FAAH2: variants seen among roughly 807,000 people sequenced by gnomAD.
FAAH2 encodes fatty acid amide hydrolase 2, also known as fatty-acid amide hydrolase 2.
A neutral mutation model predicts 36.9 loss-of-function variants in FAAH2; 60 were observed. That is an observed-to-expected ratio of 1.63 (90% CI 1.32 to 2.02). FAAH2 has a LOEUF of 2.02. Among genes scored for constraint, FAAH2 ranks in the 30% most tolerant of loss-of-function variants. The pLI, the probability that FAAH2 is intolerant of heterozygous loss-of-function variation, is 0.00. For missense variants in FAAH2, 689 were observed against 397.5 expected, an observed-to-expected ratio of 1.73 and a Z score of -6.23; for synonymous variants, 214 against 143.8, an observed-to-expected ratio of 1.49 and a Z score of -3.49.
chrX:57,465,186 T>C (rs1188140765), intron 10 of FAAH2, among the ~76,000 whole-genome samples: 1 of 111,723 alleles, frequency 9.0e-6, no homozygotes, highest in East Asian at 2.8e-4. Flanking sequence ...GATAGATCAG[T>C]TGGCATAATT....
At chrX:57,331,919 A>G in intron 4 of FAAH2, 112 bp downstream of exon 4, 1 of 728,673 alleles carries the variant, frequency 1.4e-6, no homozygotes, top group Non-Finnish European at 2.0e-6. Context: ...GAATGGATGC[A>G]AAAACCCAGG....
the FAAH2 span, among the ~76,000 whole-genome samples, chrX:57,279,691 T>G: frequency 8.9e-6 from 1 of 111,924 alleles, no homozygotes; most frequent in Non-Finnish European, 1.9e-5. Flanking sequence ...GTTCAACATA[T>G]GCAAATCAAT....
intron 10 of FAAH2, among the ~76,000 whole-genome samples, chrX:57,484,173 C>G (rs2057431532): frequency 9.0e-6 from 1 of 110,635 alleles, no homozygotes; most frequent in Admixed American, 9.7e-5. Context: ...AAGGGTAAGA[C>G]ACAGATGTGG....
intron 4 of FAAH2, among the ~76,000 whole-genome samples, chrX:57,336,520 ATC>A (rs2053556860): frequency 9.0e-6 from 1 of 111,502 alleles, no homozygotes; most frequent in Admixed American, 9.6e-5. Context: ...TAACAATCTG[ATC>A]TCTCTTTCTT....
At chrX:57,306,880 TATATATACACC>T (rs753535116) in intron 2 of FAAH2, among the ~76,000 whole-genome samples, 1,139 of 91,449 alleles carry the variant, frequency 0.012, 16 homozygotes, top group African/African-American at 0.04. Flanking sequence ...ATATATACAC[TATATATACACC>T]ATATATACAT....
At chrX:57,162,507 G>A in the FAAH2 span, among the ~76,000 whole-genome samples, 7 of 111,737 alleles carry the variant, frequency 6.3e-5, no homozygotes, top group Non-Finnish European at 9.4e-5. Flanking sequence ...CCAATCAGAC[G>A]TAGATTTGGT....
intron 3 of FAAH2, among the ~76,000 whole-genome samples, chrX:57,325,464 G>C (rs1168241170): frequency 1.8e-5 from 2 of 111,121 alleles, no homozygotes; most frequent in African/African-American, 6.6e-5. Flanking sequence ...GAATCCATCT[G>C]GTCCTGAACT....
the FAAH2 span, among the ~76,000 whole-genome samples, chrX:57,154,674 C>G: frequency 1.8e-5 from 2 of 110,937 alleles, no homozygotes; most frequent in African/African-American, 6.6e-5. Flanking sequence ...TGTTTTCAGG[C>G]AATTCAGGGA....
chrX:57,442,978 C>A (rs1433962667), intron 8 of FAAH2, among the ~76,000 whole-genome samples: 1 of 111,929 alleles, frequency 8.9e-6, no homozygotes, highest in Non-Finnish European at 1.9e-5. Flanking sequence ...CCGAGAGATC[C>A]ACTGTTAGTC....
the FAAH2 span, among the ~76,000 whole-genome samples, chrX:57,183,067 A>G: frequency 9.0e-6 from 1 of 111,132 alleles, no homozygotes; most frequent in Non-Finnish European, 1.9e-5. Flanking sequence ...CTGAGGGCAG[A>G]AGGTGGGAGG....
the FAAH2 span, among the ~76,000 whole-genome samples, chrX:57,182,492 T>C: frequency 9.0e-6 from 1 of 111,256 alleles, no homozygotes; most frequent in Admixed American, 9.6e-5. Context: ...GCAATGCAAC[T>C]CGAAACCACA....
intron 9 of FAAH2, among the ~76,000 whole-genome samples, chrX:57,448,207 G>T (rs1285961042): frequency 3.6e-5 from 4 of 112,004 alleles, no homozygotes; most frequent in African/African-American, 1.3e-4. Context: ...CTGGGCTCAA[G>T]TAATCTGCCA....
the FAAH2 span, among the ~76,000 whole-genome samples, chrX:57,265,355 G>A: frequency 6.3e-5 from 7 of 111,787 alleles, no homozygotes; most frequent in Non-Finnish European, 7.5e-5. Flanking sequence ...CCCCACTTCC[G>A]TTGCACCTCA....
At chrX:57,340,917 A>C (rs900027454) in intron 4 of FAAH2, among the ~76,000 whole-genome samples, 1 of 110,588 alleles carries the variant, frequency 9.0e-6, no homozygotes, top group African/African-American at 3.3e-5. Flanking sequence ...TGTGTAGCAA[A>C]CCTGCACATC....
chrX:57,235,610 T>A, the FAAH2 span, among the ~76,000 whole-genome samples: 1 of 112,567 alleles, frequency 8.9e-6, no homozygotes, highest in Non-Finnish European at 1.9e-5. Context: ...CTATTTGGAC[T>A]ATAGTTTGAG....
the FAAH2 span, among the ~76,000 whole-genome samples, chrX:57,220,577 A>G: frequency 8.9e-6 from 1 of 112,323 alleles, no homozygotes; most frequent in Admixed American, 9.4e-5. Flanking sequence ...AAAGTCTTCA[A>G]CAATTGTAAT....
intron 7 of FAAH2, among the ~76,000 whole-genome samples, chrX:57,383,785 G>T (rs1167209193): frequency 8.9e-6 from 1 of 111,925 alleles, no homozygotes. Flanking sequence ...TCCCTATCAA[G>T]CTACCAATGA....
intron 10 of FAAH2, among the ~76,000 whole-genome samples, chrX:57,473,586 A>AT (rs2057208843): frequency 9.0e-6 from 1 of 111,223 alleles, no homozygotes; most frequent in South Asian, 3.7e-4. Context: ...TTCTGCCTTG[A>AT]TTATCTGTCT....
the FAAH2 span, among the ~76,000 whole-genome samples, chrX:57,164,636 C>A: frequency 8.9e-6 from 1 of 111,891 alleles, no homozygotes; most frequent in African/African-American, 3.2e-5. Flanking sequence ...TTCAAATGCA[C>A]GAACAATTTG....
Sources: allele counts gnomAD v4.1 joint callset (sites outside exome capture counted in the v4.1 genomes callset), GRCh38; gene constraint gnomAD v4.1.1; transcripts MANE v1.5; gene names NCBI Gene and HGNC (gene_info 2026-07-23, HGNC 2026-07-21).